Variants in FKBP8 observed in about 807,000 individuals in gnomAD.
The protein encoded by FKBP8 is peptidyl-prolyl cis-trans isomerase FKBP8.
A neutral mutation model predicts 41.7 loss-of-function variants in FKBP8; 5 were observed. That is an observed-to-expected ratio of 0.12 (90% confidence interval 0.06 to 0.25). The LOEUF is 0.25. Among genes scored for constraint, FKBP8 ranks in the 10% least tolerant of loss-of-function variants. FKBP8 has a pLI of 1.00. For synonymous variants in FKBP8, 279 were observed against 254.5 expected, an observed-to-expected ratio of 1.10 and a Z score of -0.92; for missense variants, 397 against 563.0, an observed-to-expected ratio of 0.71 and a Z score of 2.98.
chr19:18,534,856 T>C (rs540974248), intron 6 of FKBP8, among the ~76,000 whole-genome samples: 9 of 152,190 alleles, frequency 5.9e-5, no homozygotes, highest in African/African-American at 1.4e-4. Flanking sequence ...GGCACGATCT[T>C]GGCTCAATGC....
chr19:18,542,821 C>A (rs946700545), intron 1 of FKBP8: 340 of 1,054,870 alleles, frequency 3.2e-4, no homozygotes, highest in Non-Finnish European at 4.1e-4. Context: ...GTCCCCCAGG[C>A]CCCAAGCTCA....
rs142246175 is a variant in FKBP8, at chr19:18,541,902, G to A, written c.69C>T (p.Asp23=). The A allele has an allele frequency of 6.2e-7, 1 of 1,614,042 alleles. No homozygotes were observed. The highest frequency in any genetic ancestry group is 1.3e-5 in the African/African-American group (1 of 75,020). The change falls in exon 2 of 9, where the codon GAC becomes GAT. Residue 23 remains aspartate, a synonymous_variant. Transcript: ENST00000608443. ...CCTCAACCCCATCCAGTACCTCGAA[G>A]TCCTCGAGCGGTGGGACCCCGGCGG... The part of the protein sequence containing the change: ...PLPAGVPPLE[D]FEVLDGVEDA...
intron 6 of FKBP8, among the ~76,000 whole-genome samples, chr19:18,536,570 G>A (rs1029762707): frequency 5.9e-5 from 9 of 152,250 alleles, no homozygotes; most frequent in African/African-American, 1.2e-4. Flanking sequence ...GCCTGGGCTC[G>A]TCGCAAATGT....
At position 18,541,500 on chromosome 19, in the gene FKBP8, ATG is replaced by A. The variant is rs1976697835; in HGVS notation, c.292+177_292+178del. ...GAAACGGGGACACAGCACATTGTGC[ATG>A]TGTGTGAGTCAGTGGATAGAGTACA... is the stretch of plus-strand genomic sequence containing the variant. On this transcript the variant is annotated intron_variant, in intron 2 of 8. Transcript: ENST00000608443. 2.0e-5 allele frequency among the ~76,000 whole-genome samples: 3 copies of A among 152,206 alleles called. No homozygotes were observed. The South Asian group carries it at 6.2e-4, about 32-fold the overall frequency.
At position 18,543,555 on chromosome 19, in the gene FKBP8, T is replaced by A; in HGVS notation, c.-95A>T. ...CGCCCCCAGCCGCGGCCGCCGCGCC[T>A]CGGGAACCAGGTTCGGCCGCTTGGC... On this transcript the variant is annotated 5_prime_UTR_variant, in exon 1 of 9. Coordinates refer to ENST00000608443, the MANE Select transcript of FKBP8 (RefSeq NM_012181.5). 1 of 149,308 alleles carries A rather than the reference T, an allele frequency of 6.7e-6. No homozygotes were observed. Among genetic ancestry groups the A allele is most frequent in the Non-Finnish European group, 1.5e-5 (1 of 67,298 alleles). The allele number at this position is 149,308 out of a possible 1,614,324, so 9.2% of individuals were successfully genotyped here.
At position 18,538,726 on chromosome 19, in the gene FKBP8, C is replaced by A. The variant is rs1050686237; in HGVS notation, c.552-290G>T. ...GCAGTGGTGCAATCTTGGCTCACTG[C>A]AGCCTCAAAAACGTGGGCTCAAGTG... On this transcript the variant is annotated intron_variant, in intron 4 of 8. Coordinates refer to ENST00000608443, the MANE Select transcript of FKBP8 (RefSeq NM_012181.5). This position sits in a 1 kb window ranked among gnomAD's most constrained non-coding sequence, Gnocchi z 4.0. Among the ~76,000 whole-genome samples, 2 of 151,862 alleles carry A rather than the reference C, an allele frequency of 1.3e-5. No homozygotes were observed. The highest frequency in any genetic ancestry group is 2.4e-5 in the African/African-American group (1 of 41,380).
chr19:18,533,400 T>C, intron 6 of FKBP8, 53 bp from the exon 7 acceptor site: 1 of 1,466,214 alleles, frequency 6.8e-7, no homozygotes. Flanking sequence ...GGCCTGTCCT[T>C]CAAGAAATCC....
At position 18,532,273 on chromosome 19, in the gene FKBP8, G is replaced by C; in HGVS notation, c.1156-18C>G. 6.3e-7 allele frequency: 1 copy of C among 1,587,918 alleles called. No homozygotes were observed. The highest frequency in any genetic ancestry group is 8.6e-7 in the Non-Finnish European group (1 of 1,167,516). ...GGGATGGACTGTGGATAAAAAGGAGGGGAGAGAAGGGTGGAGGGAGGTCAA... is the reference window on the plus strand; with the variant it reads ...GGGATGGACTGTGGATAAAAAGGAGCGGAGAGAAGGGTGGAGGGAGGTCAA... On this transcript the variant is annotated intron_variant, in intron 8 of 8. Transcript: ENST00000608443.
At chr19:18,532,450 G>C (rs993589947) in intron 8 of FKBP8, 195 bp from the exon 9 acceptor site, 2 of 916,922 alleles carry the variant, frequency 2.2e-6, no homozygotes, top group Non-Finnish European at 3.3e-6. Context: ...ACCGCCCCTC[G>C]TGCCCTGGAA....
At chr19:18,542,097 A>G (rs1395256929) in intron 1 of FKBP8, 102 bp from the exon 2 acceptor site, 4 of 1,455,102 alleles carry the variant, frequency 2.7e-6, no homozygotes, top group Non-Finnish European at 3.6e-6. Context: ...TGTGTAACTC[A>G]AGGGCTCCAG....
rs544725711 is a variant in FKBP8 at position 18,538,641 on chromosome 19, C to T, written c.552-205G>A. Among the ~76,000 whole-genome samples, 2 of 152,124 alleles carry T rather than the reference C, an allele frequency of 1.3e-5. No homozygotes were observed. Among genetic ancestry groups the T allele is most frequent in the South Asian group, 4.2e-4 (2 of 4,816 alleles). ...TGACGAACGAGTTCCCCTCCCTAAG[C>T]CTCGGTTTTCCTCCTTTTTATTAAG... is the stretch of plus-strand genomic sequence containing the variant. On this transcript the variant is annotated intron_variant, in intron 4 of 8. Coordinates refer to ENST00000608443, the MANE Select transcript of FKBP8 (RefSeq NM_012181.5). The surrounding 1 kb of genome is among the most constrained non-coding windows in gnomAD (Gnocchi z 4.0).
At position 18,538,050 on chromosome 19, in the gene FKBP8, A is replaced by G. The variant is rs7251764; in HGVS notation, c.772+166T>C. Reference sequence around the variant, plus strand: ...ACAACACTCCACTGGTCTGGGATATACCACGAGTCTGTAACAGGCCCTAGC... The same window carrying G: ...ACAACACTCCACTGGTCTGGGATATGCCACGAGTCTGTAACAGGCCCTAGC... On this transcript the variant is annotated intron_variant, in intron 5 of 8. Coordinates refer to ENST00000608443, the MANE Select transcript of FKBP8 (RefSeq NM_012181.5). This position sits in a 1 kb window ranked among gnomAD's most constrained non-coding sequence, Gnocchi z 4.0. 11,668 of 775,536 alleles carry G rather than the reference A, an allele frequency of 0.015. 931 individuals are homozygous for G. In the African/African-American group the frequency reaches 0.17, roughly 12 times the overall value. 48.0% of individuals were successfully genotyped at this position (775,536 alleles called of 1,614,324 possible). A position where few individuals can be genotyped will look rare whatever the true frequency, so the allele number is the denominator to read the frequency against.
Position 18,538,179 on chromosome 19 carries a change from G to A in FKBP8, c.772+37C>T. ...TTTCTGGCACGGAGTGGACACCTTT[G>A]CAGGGGAGATGGTGGAGATCTGACC... is the stretch of plus-strand genomic sequence containing the variant. On this transcript the variant is annotated intron_variant, in intron 5 of 8. Coordinates refer to ENST00000608443, the MANE Select transcript of FKBP8 (RefSeq NM_012181.5). The surrounding 1 kb of genome is among the most constrained non-coding windows in gnomAD (Gnocchi z 4.0). 1 of 1,568,538 alleles carries A rather than the reference G, an allele frequency of 6.4e-7. No individual in the cohort carries two copies. The highest frequency in any genetic ancestry group is 8.7e-7 in the Non-Finnish European group (1 of 1,149,952).
rs773417154 is a variant in FKBP8 at position 18,539,394 on chromosome 19, C to G, written c.528G>C (p.Lys176Asn). 2 of 1,613,484 alleles carry G rather than the reference C, an allele frequency of 1.2e-6. No homozygotes were observed. The highest frequency in any genetic ancestry group is 4.5e-5 in the East Asian group (2 of 44,880). Residue 176 changes from lysine (K) to asparagine (N), a missense_variant, in exon 4 of 9, where the codon AAG (lysine) becomes AAC (asparagine). Coordinates refer to ENST00000608443, the MANE Select transcript of FKBP8 (RefSeq NM_012181.5). The stretch of plus-strand genomic sequence containing the variant: ...ACCTGCCTTGGGGGCCGTAGCAGTA[C>G]TTGGAGTCAGCAGTGACCATGGCCG... ...GETAMVTADS[K>N]YCYGPQGSRS...
Position 18,538,181 on chromosome 19 carries a change from A to C in FKBP8, c.772+35T>G. The C allele has an allele frequency of 6.4e-7, 1 of 1,571,300 alleles. No individual in the cohort carries two copies. Among genetic ancestry groups the C allele is most frequent in the African/African-American group, 1.3e-5 (1 of 74,264 alleles). On this transcript the variant is annotated intron_variant, in intron 5 of 8. Transcript: ENST00000608443. The surrounding 1 kb of genome is among the most constrained non-coding windows in gnomAD (Gnocchi z 4.0). The stretch of plus-strand genomic sequence containing the variant: ...TCTGGCACGGAGTGGACACCTTTGC[A>C]GGGGAGATGGTGGAGATCTGACCCA...
chr19:18,542,903 G>T lies in FKBP8; in HGVS notation c.-26+583C>A, dbSNP rs1004310521. On this transcript the variant is annotated intron_variant, in intron 1 of 8. Coordinates refer to ENST00000608443, the MANE Select transcript of FKBP8 (RefSeq NM_012181.5). ...TAACCCTCACCTGCCTGCTCCTCCC[G>T]GGCTCGGAGCCCCACTTTGAGAGAC... 2.4e-6 allele frequency: 3 copies of T among 1,274,804 alleles called. No individual in the cohort carries two copies. The African/African-American group carries it at 4.7e-5, about 20-fold the overall frequency. 79.0% of individuals were successfully genotyped at this position (1,274,804 alleles called of 1,614,324 possible).
chr19:18,541,652 G>A (rs768386645), intron 2 of FKBP8, 27 bp downstream of exon 2: 10 of 1,575,512 alleles, frequency 6.3e-6, no homozygotes, highest in Middle Eastern at 1.7e-4. Context: ...AGGGCCAAGG[G>A]CACCCTGATC....
At chr19:18,536,081 G>C (rs913265769) in intron 6 of FKBP8, 1 of 152,026 alleles carries the variant, frequency 6.6e-6, no homozygotes, top group African/African-American at 2.4e-5. Flanking sequence ...TCAAAAACAG[G>C]AACTGCATCT....
At chr19:18,542,055 T>G in intron 1 of FKBP8, 60 bp from the exon 2 acceptor site, 1 of 1,536,480 alleles carries the variant, frequency 6.5e-7, no homozygotes. Context: ...AAGTCTCCAC[T>G]GTACTGATTC....
Sources: gnomAD v4.1 joint callset for allele counts (sites outside exome capture counted in the v4.1 genomes callset) on GRCh38, gnomAD v4.1.1 for gene constraint, Gnocchi (gnomAD v3.1) non-coding constraint, MANE v1.5 for transcripts, NCBI Gene and HGNC (gene_info 2026-07-23, HGNC 2026-07-21) for gene names.